Variants in ALG9 observed in about 807,000 individuals in gnomAD.
ALG9 encodes ALG9 alpha-1,2-mannosyltransferase.
ALG9 carries 55 observed loss-of-function variants against 81.8 expected under a neutral mutation model. The ratio of observed to expected loss-of-function variants is 0.67; its 90% confidence interval spans 0.54 to 0.84. ALG9 has a LOEUF of 0.84. Among genes scored for constraint, ALG9 ranks in the 40% least tolerant of loss-of-function variants. The pLI is 0.00. For missense variants in ALG9, 629 were observed against 745.0 expected (o/e 0.84, Z 1.81); for synonymous variants, 278 against 274.3 (o/e 1.01, Z -0.13).
In ALG9 at chr11:111,853,681, G is replaced by C. The variant is rs1555140998; in HGVS notation, c.757C>G (p.His253Asp). 2.5e-6 allele frequency: 4 copies of C among 1,614,016 alleles called. No homozygotes were observed. The highest frequency in any genetic ancestry group is 1.3e-5 in the African/African-American group (1 of 74,928). Residue 253 changes from histidine (H) to aspartate (D), a missense_variant, in exon 7 of 15, where the codon CAT (histidine) becomes GAT (aspartate). His to Asp is a moderately conservative substitution (Grantham distance 81, BLOSUM62 -1). This residue lies in a region of ALG9 where 344 missense variants were observed against 390.5 expected (regional missense o/e 0.88). Transcript: ENST00000616540. ...VMKHRWKSFF[H>D]WSLMALILFL... Reference sequence around the variant, plus strand: ...AGTATGAGGGCCATCAGCGACCAATGAAAGAAACTCTTCCACCTGTGTTTC... The same window carrying C: ...AGTATGAGGGCCATCAGCGACCAATCAAAGAAACTCTTCCACCTGTGTTTC...
intron 11 of ALG9, 131 bp from the exon 12 acceptor site, chr11:111,837,746 A>T: frequency 2.0e-6 from 2 of 1,017,570 alleles, no homozygotes; most frequent in Non-Finnish European, 3.0e-6. Flanking sequence ...TAGCCATTCC[A>T]GCATGAAGCC....
At chr11:111,821,663 T>C (rs1310267441) in intron 13 of ALG9, among the ~76,000 whole-genome samples, 8 of 151,050 alleles carry the variant, frequency 5.3e-5, no homozygotes, top group Non-Finnish European at 1.0e-4. Context: ...TGAGATAGAG[T>C]CTCGCTCTGT....
chr11:111,774,516 G>A, the ALG9 span, among the ~76,000 whole-genome samples: 7 of 152,320 alleles, frequency 4.6e-5, no homozygotes, highest in Non-Finnish European at 8.8e-5. Context: ...GATGAATAAC[G>A]TTTGGTTGTT....
In ALG9 at chr11:111,837,544, G is replaced by A; in HGVS notation, c.1396C>T (p.Pro466Ser). Reference sequence around the variant, plus strand: ...CAGACATTCACAGGTCTGCCTTCTGGGACAGTGTGGATGGTTGGGTCTGTA... The same window carrying A: ...CAGACATTCACAGGTCTGCCTTCTGAGACAGTGTGGATGGTTGGGTCTGTA... The part of the protein sequence containing the change: ...IATDPTIHTV[P>S]EGRPVNVCVG... The change falls in exon 12 of 15, where the codon CCA (proline) becomes TCA (serine). Residue 466 changes from proline to serine, a missense_variant. This residue lies in a region of ALG9 where 264 missense variants were observed against 302.2 expected (regional missense o/e 0.87). Transcript: ENST00000616540. The A allele has an allele frequency of 6.2e-7, 1 of 1,614,016 alleles. No homozygotes were observed. Among genetic ancestry groups the A allele is most frequent in the Non-Finnish European group, 8.5e-7 (1 of 1,179,932 alleles).
chr11:111,821,187 G>A (rs1952303010), intron 13 of ALG9, among the ~76,000 whole-genome samples: 1 of 151,942 alleles, frequency 6.6e-6, no homozygotes, highest in Admixed American at 6.6e-5. Context: ...TTTCCTATAA[G>A]GTCCTACTTT....
At chr11:111,781,303 A>C (rs1945923172), downstream of ALG9, among the ~76,000 whole-genome samples, 1 of 152,192 alleles carries the variant, frequency 6.6e-6, no homozygotes, top group Non-Finnish European at 1.5e-5. Flanking sequence ...GAATTCATTT[A>C]CAAAAAAAAA....
rs1465151702 is a variant in ALG9 at position 111,853,747 on chromosome 11, G to A, written c.702-11C>T. On this transcript the variant is annotated splice_polypyrimidine_tract_variant and intron_variant, in intron 6 of 14. Coordinates refer to ENST00000616540, the MANE Select transcript of ALG9 (RefSeq NM_024740.2). Reference sequence around the variant, plus strand: ...AAGGCAATGGGTAAACTATTTAACAGAGAAACAGAGCGGGGAGTTAAATAA... The same window carrying A: ...AAGGCAATGGGTAAACTATTTAACAAAGAAACAGAGCGGGGAGTTAAATAA... The A allele has an allele frequency of 8.7e-6, 14 of 1,606,086 alleles. No homozygotes were observed. The Admixed American group carries it at 1.3e-4, about 15-fold the overall frequency.
chr11:111,865,133 T>G, intron 4 of ALG9, 48 bp downstream of exon 4: 1 of 1,393,688 alleles, frequency 7.2e-7, no homozygotes, highest in Non-Finnish European at 9.8e-7. Context: ...ATCTATGCAA[T>G]AATGGGTTTC....
At chr11:111,791,632 C>T (rs1458020009) in intron 14 of ALG9, among the ~76,000 whole-genome samples, 5 of 152,196 alleles carry the variant, frequency 3.3e-5, no homozygotes, top group Admixed American at 2.6e-4. Context: ...ATCTTCCTCC[C>T]GGACCTCTAC....
chr11:111,843,979 T>C (rs17113302), intron 9 of ALG9, among the ~76,000 whole-genome samples: 1,716 of 152,320 alleles, frequency 0.011, 46 homozygotes, highest in African/African-American at 0.04. Flanking sequence ...CTTTAAAAGA[T>C]AGAAAACTCA....
rs1555059349 is a variant in ALG9 at position 111,783,885 on chromosome 11, C to A, written c.*2512G>T. On this transcript the variant is annotated 3_prime_UTR_variant, in exon 15 of 15. Transcript: ENST00000616540. ...AAGGAATCCCTGCATCAGTCCTGGCCTTTCTTTGCGCTATATTATAATTAA... is the reference window on the plus strand; with the variant it reads ...AAGGAATCCCTGCATCAGTCCTGGCATTTCTTTGCGCTATATTATAATTAA... 1 of 140,220 alleles carries A rather than the reference C, an allele frequency of 7.1e-6. No individual in the cohort carries two copies. Among genetic ancestry groups the A allele is most frequent in the Non-Finnish European group, 1.6e-5 (1 of 63,744 alleles). The allele number at this position is 140,220 out of a possible 1,614,324, so 8.7% of individuals were successfully genotyped here.
chr11:111,809,820 C>T, intron 13 of ALG9, 47 bp from the exon 14 acceptor site: 1 of 1,609,686 alleles, frequency 6.2e-7, no homozygotes. Context: ...TTGAAGGTCC[C>T]TTCAGGGTAG....
intron 8 of ALG9, among the ~76,000 whole-genome samples, chr11:111,846,980 G>A (rs1485714430): frequency 1.3e-5 from 2 of 152,092 alleles, no homozygotes; most frequent in African/African-American, 4.8e-5. Context: ...TATGGAAAGT[G>A]CCTCAAGTCC....
intron 14 of ALG9, among the ~76,000 whole-genome samples, chr11:111,807,877 G>A (rs1565733298): frequency 6.6e-6 from 1 of 152,124 alleles, no homozygotes; most frequent in African/African-American, 2.4e-5. Context: ...TTGAGCTTAC[G>A]AGTTTAAAAC....
At chr11:111,779,364 G>C (rs994875391), downstream of ALG9, among the ~76,000 whole-genome samples, 1 of 152,122 alleles carries the variant, frequency 6.6e-6, no homozygotes, top group Non-Finnish European at 1.5e-5. Flanking sequence ...GAGAGCTCTT[G>C]TAAGGCGAGT....
chr11:111,838,524 C>T lies in ALG9; in HGVS notation c.1174-125G>A, dbSNP rs551396056. 8.1e-5 allele frequency: 66 copies of T among 814,446 alleles called. No homozygotes were observed. The African/African-American group carries it at 8.5e-4, about 10-fold the overall frequency. The allele number at this position is 814,446 out of a possible 1,614,324, so 50.5% of individuals were successfully genotyped here. ...GCATTTGCCAACAGTGAGGTACCTA[C>T]TCCAAACTCTAAGATAAAAGCCAAC... On this transcript the variant is annotated intron_variant, in intron 10 of 14. Transcript: ENST00000616540.
chr11:111,864,836 G>A (rs781899647), intron 4 of ALG9, among the ~76,000 whole-genome samples: 11 of 151,802 alleles, frequency 7.2e-5, no homozygotes, highest in Non-Finnish European at 1.2e-4. Context: ...GGAGTGCAAT[G>A]GCACAATCTC....
At chr11:111,821,094 T>A (rs1235908895) in intron 13 of ALG9, among the ~76,000 whole-genome samples, 1 of 152,202 alleles carries the variant, frequency 6.6e-6, no homozygotes, top group African/African-American at 2.4e-5. Flanking sequence ...AGACCTTGTC[T>A]CTAAAAATAA....
At chr11:111,835,766 T>TC (rs1955138586) in intron 13 of ALG9, among the ~76,000 whole-genome samples, 1 of 152,234 alleles carries the variant, frequency 6.6e-6, no homozygotes, top group South Asian at 2.1e-4. Flanking sequence ...CCGGTTTTTT[T>TC]CTGAGACAGG....
Sources: allele counts gnomAD v4.1 joint callset (sites outside exome capture counted in the v4.1 genomes callset), GRCh38; gene constraint gnomAD v4.1.1; regional missense constraint gnomAD v4.1.1; transcripts MANE v1.5; gene names NCBI Gene and HGNC (gene_info 2026-07-23, HGNC 2026-07-21).